Variants in NTN1 observed in about 807,000 individuals in gnomAD.
The protein encoded by NTN1 is netrin 1, also known as netrin-1.
Under a neutral mutation model 54.2 loss-of-function variants are expected in NTN1, and 11 were observed. That is an observed-to-expected ratio of 0.20 (90% CI 0.13 to 0.34). NTN1 has a LOEUF of 0.34. Ranked by LOEUF, NTN1 falls within the 10% of genes least tolerant of loss-of-function variation. NTN1 has a pLI of 1.00. For synonymous variants in NTN1, 371 were observed against 382.0 expected, an observed-to-expected ratio of 0.97 and a Z score of 0.33; for missense variants, 740 against 893.1, an observed-to-expected ratio of 0.83 and a Z score of 2.18.
At chr17:9,043,139 A>T (rs1199086679) in intron 2 of NTN1, among the ~76,000 whole-genome samples, 2 of 152,210 alleles carry the variant, frequency 1.3e-5, no homozygotes, top group African/African-American at 4.8e-5. Flanking sequence ...GATTCTATAT[A>T]ATAATCACTA....
At chr17:9,031,387 C>T (rs2091887950) in intron 2 of NTN1, among the ~76,000 whole-genome samples, 1 of 152,132 alleles carries the variant, frequency 6.6e-6, no homozygotes, top group East Asian at 1.9e-4. Flanking sequence ...CCACCACTCC[C>T]GCATTCTAAA....
At chr17:9,232,992 G>T (rs1905866817) in intron 6 of NTN1, among the ~76,000 whole-genome samples, 1 of 152,070 alleles carries the variant, frequency 6.6e-6, no homozygotes, top group Admixed American at 6.5e-5. Flanking sequence ...CCCCTCATTT[G>T]TCCTGGCCGC....
At chr17:9,236,282 T>A (rs1905986037) in intron 6 of NTN1, among the ~76,000 whole-genome samples, 1 of 152,136 alleles carries the variant, frequency 6.6e-6, no homozygotes, top group Admixed American at 6.5e-5. Context: ...GGGCGCCAGG[T>A]TCCATGTAGC....
chr17:9,205,356 A>G (rs1567738340), intron 5 of NTN1, among the ~76,000 whole-genome samples: 2 of 152,234 alleles, frequency 1.3e-5, no homozygotes, highest in Non-Finnish European at 2.9e-5. Context: ...AGCCAGGTGC[A>G]GTGGCTCATG....
rs2092370100 is a variant in NTN1, at chr17:9,165,108, C to T, written c.1207+2107C>T. Among the ~76,000 whole-genome samples the T allele has an allele frequency of 6.6e-6, 1 of 152,052 alleles. No individual in the cohort carries two copies. Among genetic ancestry groups the T allele is most frequent in the South Asian group, 2.1e-4 (1 of 4,832 alleles). ...AAGAAATTTTACCCAACAGCGGCCA[C>T]TCAGGTGGGCAGTCCTGTGCCTGAG... On this transcript the variant is annotated intron_variant, in intron 3 of 6. Coordinates refer to ENST00000173229, the MANE Select transcript of NTN1 (RefSeq NM_004822.3). This position sits in a 1 kb window ranked among gnomAD's most constrained non-coding sequence, Gnocchi z 4.5.
In NTN1 at chr17:9,045,402, C is replaced by T. The variant is rs142520819; in HGVS notation, c.1018+22011C>T. ...TTGGTTTGGCTGTGGGATATGCCAACACCACCCCCGGGAGCTCTCAGCTCT... is the reference window on the plus strand; with the variant it reads ...TTGGTTTGGCTGTGGGATATGCCAATACCACCCCCGGGAGCTCTCAGCTCT... On this transcript the variant is annotated intron_variant, in intron 2 of 6. Transcript: ENST00000173229. 5.7e-3 allele frequency among the ~76,000 whole-genome samples: 863 copies of T among 152,310 alleles called. 5 individuals carry two copies. The highest frequency in any genetic ancestry group is 0.02 in the Middle Eastern group (6 of 294).
chr17:9,226,514 AGGTGGTCTCGTGGGGAGGCGGTCTCG>A (rs1418989077), intron 6 of NTN1, among the ~76,000 whole-genome samples: 5 of 31,122 alleles, frequency 1.6e-4, no homozygotes, highest in South Asian at 2.2e-3. Flanking sequence ...TCTCGTGGGG[AGGTGGTCTCGTGGGGAGGCGGTCTCG>A]TGGGGAGGCT....
At chr17:9,069,227 A>G (rs1428206973) in intron 2 of NTN1, among the ~76,000 whole-genome samples, 2 of 146,160 alleles carry the variant, frequency 1.4e-5, no homozygotes, top group Admixed American at 6.9e-5. Flanking sequence ...AGACACCGAG[A>G]TCTCACTTCC....
intron 2 of NTN1, among the ~76,000 whole-genome samples, chr17:9,140,413 ATAAACT>A (rs988509964): frequency 6.6e-6 from 1 of 152,214 alleles, no homozygotes; most frequent in African/African-American, 2.4e-5. Context: ...AAATAAAAAC[ATAAACT>A]TGAAATAAAA....
intron 6 of NTN1, among the ~76,000 whole-genome samples, chr17:9,222,372 A>G (rs1022943051): frequency 6.6e-6 from 1 of 151,984 alleles, no homozygotes; most frequent in Non-Finnish European, 1.5e-5. Context: ...AGGCAGAACG[A>G]CCTCTCTGTT....
At chr17:9,048,773 C>T (rs866483760) in intron 2 of NTN1, among the ~76,000 whole-genome samples, 1 of 152,096 alleles carries the variant, frequency 6.6e-6, no homozygotes, top group African/African-American at 2.4e-5. Context: ...TCTCCTGCCT[C>T]AGCCTTCCAA....
intron 2 of NTN1, among the ~76,000 whole-genome samples, chr17:9,114,678 C>T (rs796273172): frequency 7.9e-5 from 12 of 152,158 alleles, no homozygotes; most frequent in African/African-American, 1.9e-4. Context: ...CGCTTGAACC[C>T]GGGAAGAGGA....
At chr17:9,223,311 G>C (rs1191457248) in intron 6 of NTN1, among the ~76,000 whole-genome samples, 8 of 152,196 alleles carry the variant, frequency 5.3e-5, no homozygotes, top group Non-Finnish European at 1.2e-4. Context: ...CAGCACTTTG[G>C]GAGGCCAAGG....
intron 3 of NTN1, among the ~76,000 whole-genome samples, chr17:9,166,986 C>T (rs1242122817): frequency 2.0e-5 from 3 of 152,252 alleles, no homozygotes; most frequent in Admixed American, 6.5e-5. Context: ...TGGGAAGTTT[C>T]GTAGCAACAA....
At chr17:9,045,646 A>T (rs1202382462) in intron 2 of NTN1, among the ~76,000 whole-genome samples, 1 of 152,232 alleles carries the variant, frequency 6.6e-6, no homozygotes, top group Non-Finnish European at 1.5e-5. Context: ...TTAGAAAAAA[A>T]TTAATAGAAT....
intron 2 of NTN1, among the ~76,000 whole-genome samples, chr17:9,070,867 C>A (rs1404504496): frequency 6.6e-6 from 1 of 152,132 alleles, no homozygotes; most frequent in Admixed American, 6.5e-5. Context: ...GCTGGGATTA[C>A]AGGCATGAGC....
At chr17:9,215,983 CAGG>C (rs1202175663) in intron 5 of NTN1, among the ~76,000 whole-genome samples, 2 of 152,182 alleles carry the variant, frequency 1.3e-5, no homozygotes, top group Non-Finnish European at 2.9e-5. Flanking sequence ...TTTTTAGAGA[CAGG>C]GTTTTACTCT....
the NTN1 span, among the ~76,000 whole-genome samples, chr17:9,005,559 G>A: frequency 1.3e-5 from 2 of 152,124 alleles, no homozygotes; most frequent in African/African-American, 4.8e-5. Flanking sequence ...GATGCAGGTG[G>A]TATAAGGACC....
intron 2 of NTN1, among the ~76,000 whole-genome samples, chr17:9,074,559 G>A (rs1433497580): frequency 6.6e-6 from 1 of 152,186 alleles, no homozygotes; most frequent in Admixed American, 6.5e-5. Flanking sequence ...CACTCAACAC[G>A]CCCAAGTAGA....
Sources: gnomAD v4.1 joint callset for allele counts (sites outside exome capture counted in the v4.1 genomes callset) on GRCh38, gnomAD v4.1.1 for gene constraint, Gnocchi (gnomAD v3.1) non-coding constraint, MANE v1.5 for transcripts, NCBI Gene and HGNC (gene_info 2026-07-23, HGNC 2026-07-21) for gene names.